Variants in GLI3 observed in about 807,000 individuals in gnomAD.
The protein encoded by GLI3 is GLI family zinc finger 3.
Under a neutral mutation model 100.8 loss-of-function variants are expected in GLI3, and 20 were observed. That is an observed-to-expected ratio of 0.20 (90% CI 0.14 to 0.29). GLI3 has a LOEUF of 0.29. Among genes scored for constraint, GLI3 ranks in the 10% least tolerant of loss-of-function variants. GLI3 has a pLI of 1.00. For synonymous variants in GLI3, 938 were observed against 860.5 expected, an observed-to-expected ratio of 1.09 and a Z score of -1.58; for missense variants, 2,040 against 2,128.5, an observed-to-expected ratio of 0.96 and a Z score of 0.82.
intron 7 of GLI3, among the ~76,000 whole-genome samples, chr7:42,037,858 A>T (rs1308377989): frequency 1.3e-5 from 2 of 152,232 alleles, no homozygotes; most frequent in Non-Finnish European, 1.5e-5. Context: ...CTGGGTGAAG[A>T]TGAGGAGACC....
At chr7:41,999,636 C>T (rs1411462345) in intron 10 of GLI3, among the ~76,000 whole-genome samples, 1 of 152,124 alleles carries the variant, frequency 6.6e-6, no homozygotes, top group Non-Finnish European at 1.5e-5. Context: ...CATCTGTCGC[C>T]GATGGATATG....
intron 3 of GLI3, among the ~76,000 whole-genome samples, chr7:42,097,999 G>A (rs975917568): frequency 1.3e-5 from 2 of 152,072 alleles, no homozygotes; most frequent in African/African-American, 2.4e-5. Flanking sequence ...TCCTCTTTGC[G>A]GATCAGATTA....
intron 3 of GLI3, among the ~76,000 whole-genome samples, chr7:42,092,976 G>T (rs1036085143): frequency 1.3e-5 from 2 of 151,708 alleles, no homozygotes; most frequent in Non-Finnish European, 2.9e-5. Flanking sequence ...ACCACGCCTG[G>T]CTAATTTTTG....
chr7:41,984,066 C>G (rs1787746368), intron 10 of GLI3, among the ~76,000 whole-genome samples: 1 of 152,146 alleles, frequency 6.6e-6, no homozygotes, highest in Non-Finnish European at 1.5e-5. Flanking sequence ...ATCAAGGAGG[C>G]AGAAGGTGCT....
chr7:42,088,884 G>A lies in GLI3; in HGVS notation c.368-12027C>T, dbSNP rs566317061. 6.6e-5 allele frequency among the ~76,000 whole-genome samples: 10 copies of A among 152,238 alleles called. No homozygotes were observed. The East Asian group carries it at 1.7e-3, about 27-fold the overall frequency. The stretch of plus-strand genomic sequence containing the variant: ...TCCCTGAGGCCTCAAGCTCTCTTGC[G>A]CACTTCCGCTTCTGCAGCCTCAGTG... On this transcript the variant is annotated intron_variant, in intron 3 of 14. Transcript: ENST00000395925.
intron 2 of GLI3, among the ~76,000 whole-genome samples, chr7:42,215,704 T>C (rs554187114): frequency 4.2e-4 from 64 of 152,364 alleles, no homozygotes; most frequent in African/African-American, 1.4e-3. Context: ...TTATCTGATA[T>C]TCATTTATCC....
chr7:41,972,027 C>T lies in GLI3; in HGVS notation c.2103+310G>A, dbSNP rs973978287. Among the ~76,000 whole-genome samples, 1 of 152,212 alleles carries T rather than the reference C, an allele frequency of 6.6e-6. No individual in the cohort carries two copies. Among genetic ancestry groups the T allele is most frequent in the Non-Finnish European group, 1.5e-5 (1 of 68,038 alleles). ...GCAAAGAAGACAGAAAGCATGTTTA[C>T]AGGAAGAGTCAATGAATGATTTTCG... On this transcript the variant is annotated intron_variant, in intron 13 of 14. Transcript: ENST00000395925. The surrounding 1 kb of genome is among the most constrained non-coding windows in gnomAD (Gnocchi z 4.4).
At chr7:42,055,049 A>G (rs62442157) in intron 4 of GLI3, among the ~76,000 whole-genome samples, 28,703 of 128,372 alleles carry the variant, frequency 0.22, 3,221 homozygotes, top group African/African-American at 0.32. Context: ...ACATATATAT[A>G]TACACACACA....
At chr7:42,229,515 A>G (rs1005566131) in intron 1 of GLI3, among the ~76,000 whole-genome samples, 4 of 152,214 alleles carry the variant, frequency 2.6e-5, no homozygotes, top group Admixed American at 6.5e-5. Context: ...CTGTATTTTC[A>G]TAAGCTGAAT....
chr7:42,070,531 C>A (rs1018584621), intron 4 of GLI3, among the ~76,000 whole-genome samples: 11 of 152,170 alleles, frequency 7.2e-5, no homozygotes, highest in Admixed American at 4.6e-4. Context: ...TACTTGTAAG[C>A]TGAGTAACTT....
chr7:42,156,365 A>G (rs139335621), intron 2 of GLI3, among the ~76,000 whole-genome samples: 122 of 152,274 alleles, frequency 8.0e-4, no homozygotes, highest in African/African-American at 2.8e-3. Flanking sequence ...AGGCAGTACA[A>G]TAAATTCCCT....
At chr7:42,082,673 A>G (rs527895618) in intron 3 of GLI3, among the ~76,000 whole-genome samples, 1 of 152,306 alleles carries the variant, frequency 6.6e-6, no homozygotes, top group East Asian at 1.9e-4. Flanking sequence ...AGAATGAGAC[A>G]TCGTATTTAT....
chr7:42,070,977 G>C (rs1482592877), intron 4 of GLI3, among the ~76,000 whole-genome samples: 1 of 152,130 alleles, frequency 6.6e-6, no homozygotes, highest in Non-Finnish European at 1.5e-5. Context: ...TAGTCACTGA[G>C]CTTTTATTTT....
intron 3 of GLI3, among the ~76,000 whole-genome samples, chr7:42,122,525 G>A (rs1325647684): frequency 6.6e-6 from 1 of 152,088 alleles, no homozygotes; most frequent in African/African-American, 2.4e-5. Flanking sequence ...CCAGATGCTC[G>A]ACCCTCATAC....
At chr7:42,037,939 A>G (rs138416295) in intron 7 of GLI3, among the ~76,000 whole-genome samples, 1 of 152,350 alleles carries the variant, frequency 6.6e-6, no homozygotes, top group East Asian at 1.9e-4. Context: ...TTTCTATACC[A>G]TATTCTAATC....
chr7:42,257,098 C>T (rs888561238), intron 1 of GLI3, among the ~76,000 whole-genome samples: 27 of 151,936 alleles, frequency 1.8e-4, no homozygotes, highest in African/African-American at 6.5e-4. Context: ...GTAGAAATAC[C>T]ATTGATTTTG....
chr7:42,000,447 A>G (rs1326561164), intron 10 of GLI3, among the ~76,000 whole-genome samples: 1 of 152,202 alleles, frequency 6.6e-6, no homozygotes, highest in Non-Finnish European at 1.5e-5. Flanking sequence ...GAATGGGATT[A>G]TTTTTGTACA....
At position 41,966,188 on chromosome 7, in the gene GLI3, T is replaced by C; in HGVS notation, c.2885A>G (p.Asp962Gly). The C allele has an allele frequency of 1.9e-6, 3 of 1,604,640 alleles. No homozygotes were observed. The highest frequency in any genetic ancestry group is 8.5e-7 in the Non-Finnish European group (1 of 1,177,900). ...CAGGGCCACGCCAGGCTCGAGGGCA[T>C]CCCCGAGCAGCGCCAGGCGCGTCTT... ...SLKTRLALLG[D>G]ALEPGVALPP... Residue 962 changes from aspartate (D) to glycine (G), a missense_variant, in exon 15 of 15, where the codon GAT (aspartate) becomes GGT (glycine). Asp to Gly is a moderately conservative substitution (Grantham distance 94, BLOSUM62 -1). Transcript: ENST00000395925. The surrounding 1 kb of genome is among the most constrained non-coding windows in gnomAD (Gnocchi z 5.8).
chr7:42,065,985 T>C (rs1323350508), intron 4 of GLI3, among the ~76,000 whole-genome samples: 1 of 152,210 alleles, frequency 6.6e-6, no homozygotes, highest in Non-Finnish European at 1.5e-5. Context: ...GCAAGCACTC[T>C]GCTTGGCAGA....
Sources: gnomAD v4.1 joint callset for allele counts (sites outside exome capture counted in the v4.1 genomes callset) on GRCh38, gnomAD v4.1.1 for gene constraint, Gnocchi (gnomAD v3.1) non-coding constraint, MANE v1.5 for transcripts, NCBI Gene and HGNC (gene_info 2026-07-23, HGNC 2026-07-21) for gene names.